The following ASPH variants were observed in gnomAD, a reference collection of about 807,000 sequenced individuals.
The protein encoded by ASPH is aspartyl/asparaginyl beta-hydroxylase.
Under a neutral mutation model 118.4 loss-of-function variants are expected in ASPH, and 100 were observed. That is an observed-to-expected ratio of 0.84 (90% confidence interval 0.72 to 1.00). The LOEUF (loss-of-function observed/expected upper bound fraction) is 1.00, where lower values mean the gene tolerates loss of function less well. ASPH is among the 50% of genes least tolerant of loss of function. The pLI, the probability that ASPH is intolerant of heterozygous loss-of-function variation, is 0.00. For missense variants in ASPH, 920 were observed against 919.5 expected (o/e 1.00, Z -0.01); for synonymous variants, 315 against 325.6 (o/e 0.97, Z 0.35).
intron 18 of ASPH, among the ~76,000 whole-genome samples, chr8:61,560,083 T>C (rs141808277): frequency 6.6e-6 from 1 of 152,368 alleles, no homozygotes; most frequent in African/African-American, 2.4e-5. Flanking sequence ...TACCAGATTA[T>C]AAACTTCATG....
chr8:61,654,232 A>T (rs1422403341), intron 3 of ASPH, among the ~76,000 whole-genome samples: 1 of 152,228 alleles, frequency 6.6e-6, no homozygotes, highest in African/African-American at 2.4e-5. Flanking sequence ...TCTCCCTTTT[A>T]CAAGTCCTAA....
rs141428762 is a variant in ASPH at position 61,695,202 on chromosome 8, C to T, written c.104-11014G>A. Among the ~76,000 whole-genome samples the T allele has an allele frequency of 1.8e-3, 273 of 152,338 alleles. 1 individual carries two copies. Among genetic ancestry groups the T allele is most frequent in the African/African-American group, 6.4e-3 (266 of 41,574 alleles). ...GTTATCATCATCTCCTAGGTGATTT[C>T]AATAACTTAGCATACACTTTTCTAC... On this transcript the variant is annotated intron_variant, in intron 1 of 24. Coordinates refer to ENST00000379454, the MANE Select transcript of ASPH (RefSeq NM_004318.4).
At chr8:61,524,873 T>C (rs1416028204) in intron 22 of ASPH, among the ~76,000 whole-genome samples, 2 of 152,092 alleles carry the variant, frequency 1.3e-5, no homozygotes, top group East Asian at 3.9e-4. Flanking sequence ...GTTAATGGAA[T>C]CAAAGTACAA....
At chr8:61,664,328 GAA>G (rs978820911) in intron 3 of ASPH, 1 of 972,704 alleles carries the variant, frequency 1.0e-6, no homozygotes, top group Non-Finnish European at 1.2e-6. Context: ...CAAAATAATG[GAA>G]AAAAAGTGTG....
At chr8:61,697,422 G>A (rs1301079493) in intron 1 of ASPH, among the ~76,000 whole-genome samples, 1 of 152,146 alleles carries the variant, frequency 6.6e-6, no homozygotes, top group Non-Finnish European at 1.5e-5. Context: ...ACACCAGCTG[G>A]CTGTCCTCTA....
intron 13 of ASPH, chr8:61,625,492 A>G (rs1852425641): frequency 1.0e-6 from 1 of 985,294 alleles, no homozygotes; most frequent in Non-Finnish European, 1.2e-6. Flanking sequence ...GACTATAGCT[A>G]TTATATGATT....
chr8:61,575,463 T>C (rs1460414167), intron 16 of ASPH, among the ~76,000 whole-genome samples: 1 of 152,136 alleles, frequency 6.6e-6, no homozygotes, highest in Non-Finnish European at 1.5e-5. Context: ...AGCATATACA[T>C]TGGACTTACT....
chr8:61,521,994 G>T (rs1259689529), intron 22 of ASPH, among the ~76,000 whole-genome samples: 1 of 152,104 alleles, frequency 6.6e-6, no homozygotes, highest in African/African-American at 2.4e-5. Flanking sequence ...ATTCAGAAAG[G>T]CTGTTGGGGT....
chr8:61,656,896 ATATT>A (rs1272182278), intron 3 of ASPH: 1 of 152,212 alleles, frequency 6.6e-6, no homozygotes, highest in African/African-American at 2.4e-5. Flanking sequence ...AAGAATCAAT[ATATT>A]TCTTTCCATA....
intron 18 of ASPH, among the ~76,000 whole-genome samples, chr8:61,560,607 A>T (rs4455821): frequency 0.01 from 1,539 of 149,466 alleles, 33 homozygotes; most frequent in African/African-American, 0.036. Context: ...TTCATGCTTT[A>T]AAAAAAAAAC....
At chr8:61,603,214 A>G (rs1296576043) in intron 14 of ASPH, among the ~76,000 whole-genome samples, 2 of 151,294 alleles carry the variant, frequency 1.3e-5, no homozygotes, top group African/African-American at 2.4e-5. Context: ...AAAAAAAAAA[A>G]AAAAGAGAAA....
At position 61,562,803 on chromosome 8, in the gene ASPH, G is replaced by A; in HGVS notation, c.1378C>T (p.Leu460Phe). Residue 460 changes from leucine (L) to phenylalanine (F), a missense_variant, in exon 18 of 25, where the codon CTT (leucine) becomes TTT (phenylalanine). By Grantham distance (22) the Leu-to-Phe change is conservative. Coordinates refer to ENST00000379454, the MANE Select transcript of ASPH (RefSeq NM_004318.4). Reference sequence around the variant, plus strand: ...CCTATCAAGAGGTATCCCACGCCAAGGTCATTTTTTAAGGAAGTATCATTG... The same window carrying A: ...CCTATCAAGAGGTATCCCACGCCAAAGTCATTTTTTAAGGAAGTATCATTG... The part of the protein sequence containing the change: ...FPNDTSLKND[L>F]GVGYLLIGDN... 1 of 1,612,368 alleles carries A rather than the reference G, an allele frequency of 6.2e-7. No individual in the cohort carries two copies. The highest frequency in any genetic ancestry group is 2.2e-5 in the East Asian group (1 of 44,688).
At chr8:61,655,149 CAATGAACACTTGTTGAAGGGCTG>C in intron 3 of ASPH, among the ~76,000 whole-genome samples, 1 of 152,276 alleles carries the variant, frequency 6.6e-6, no homozygotes, top group East Asian at 1.9e-4. Context: ...AGCAATTGCT[CAATGAACACTTGTTGAAGGGCTG>C]AATACACCCA....
intron 2 of ASPH, 33 bp downstream of exon 2, chr8:61,684,006 T>C: frequency 6.2e-7 from 1 of 1,607,898 alleles, no homozygotes; most frequent in Non-Finnish European, 8.5e-7. Context: ...CTTACTCTCT[T>C]ACAAATTCAC....
intron 14 of ASPH, among the ~76,000 whole-genome samples, chr8:61,591,100 T>C (rs1001394095): frequency 6.6e-6 from 1 of 152,200 alleles, no homozygotes; most frequent in Admixed American, 6.5e-5. Flanking sequence ...ATTTCTGAAC[T>C]GTGTTACTTA....
At chr8:61,607,417 A>G (rs1231433160) in intron 14 of ASPH, 2 of 601,040 alleles carry the variant, frequency 3.3e-6, no homozygotes, top group Non-Finnish European at 6.0e-6. Context: ...AAAGGCAAAA[A>G]TCAGTGTTCT....
intron 24 of ASPH, among the ~76,000 whole-genome samples, chr8:61,514,970 G>A (rs1810338298): frequency 6.6e-6 from 1 of 151,268 alleles, no homozygotes; most frequent in African/African-American, 2.4e-5. Flanking sequence ...CGGGTGGACA[G>A]GGAGGGAAGG....
chr8:61,530,508 G>T (rs1271281841), intron 21 of ASPH, among the ~76,000 whole-genome samples: 1 of 152,130 alleles, frequency 6.6e-6, no homozygotes, highest in Non-Finnish European at 1.5e-5. Flanking sequence ...CATCCAGTTA[G>T]GAGCAGTTTC....
chr8:61,665,336 C>T (rs775462385), intron 3 of ASPH: 20 of 1,613,672 alleles, frequency 1.2e-5, no homozygotes, highest in Non-Finnish European at 1.4e-5. Context: ...ATCTTTGTCT[C>T]GGGATGCCAT....
Sources: allele counts gnomAD v4.1 joint callset (sites outside exome capture counted in the v4.1 genomes callset), GRCh38; gene constraint gnomAD v4.1.1; transcripts MANE v1.5; gene names NCBI Gene and HGNC (gene_info 2026-07-23, HGNC 2026-07-21).